The following TSG101 variants were observed in gnomAD, a reference collection of about 807,000 sequenced individuals.
TSG101 encodes the protein tumor susceptibility 101, also known as tumor susceptibility gene 101 protein.
Under a neutral mutation model 48.5 loss-of-function variants are expected in TSG101, and 19 were observed. The ratio of observed to expected loss-of-function variants is 0.39; its 90% CI spans 0.27 to 0.58. The LOEUF is 0.58. Ranked by LOEUF, TSG101 falls within the 20% of genes least tolerant of loss-of-function variation. TSG101 has a pLI of 0.55. For missense variants in TSG101, 365 were observed against 484.4 expected (o/e 0.75, Z 2.31); for synonymous variants, 174 against 169.4 (o/e 1.03, Z -0.21).
chr11:18,510,772 A>T (rs1057132554), intron 4 of TSG101, among the ~76,000 whole-genome samples: 1 of 152,064 alleles, frequency 6.6e-6, no homozygotes, highest in South Asian at 2.1e-4. Context: ...CTACAAAAAA[A>T]TTAACTGTAC....
intron 5 of TSG101, among the ~76,000 whole-genome samples, chr11:18,508,148 T>C (rs1850006235): frequency 6.6e-6 from 1 of 151,926 alleles, no homozygotes; most frequent in East Asian, 1.9e-4. Context: ...AAGGTTACCT[T>C]TGTCATAGCG....
Position 18,484,935 on chromosome 11 carries a change from C to CTTTT in TSG101, c.641-867_641-864dup, listed in dbSNP as rs529154247. On this transcript the variant is annotated intron_variant, in intron 7 of 9. Transcript: ENST00000251968. ...AAGTATATTTAACCTTAATTGCCGC[C>CTTTT]TTTTTTTTTTTTTTTTTTTTTGAGA... Among the ~76,000 whole-genome samples, 173 of 108,006 alleles carry CTTTT rather than the reference C, an allele frequency of 1.6e-3. 5 individuals carry two copies. The highest frequency in any genetic ancestry group is 2.9e-3 in the African/African-American group (78 of 26,694). 70.9% of individuals were successfully genotyped at this position (108,006 alleles called of 152,430 possible). A position where few individuals can be genotyped will look rare whatever the true frequency, so the allele number is the denominator to read the frequency against.
chr11:18,486,571 C>A (rs1008746426), intron 7 of TSG101, among the ~76,000 whole-genome samples: 1 of 151,978 alleles, frequency 6.6e-6, no homozygotes, highest in Non-Finnish European at 1.5e-5. Context: ...CAATGAGATA[C>A]CATCTCACAC....
rs750906139 is a variant in TSG101 at position 18,484,029 on chromosome 11, G to A, written c.684C>T (p.Ala228=). 1.9e-6 allele frequency: 3 copies of A among 1,614,194 alleles called. No individual in the cohort carries two copies. Among genetic ancestry groups the A allele is most frequent in the Non-Finnish European group, 2.5e-6 (3 of 1,180,034 alleles). ...TGTCACTGACCGCAGAGATGAGAGA[G>A]GCTCGGATGGTGTCCTCGCTGATTG... ...DGTISEDTIR[A]SLISAVSDKL... The change falls in exon 8 of 10, where the codon GCC becomes GCT. Residue 228 remains alanine, a synonymous_variant. Coordinates refer to ENST00000251968, the MANE Select transcript of TSG101 (RefSeq NM_006292.4).
intron 5 of TSG101, 59 bp downstream of exon 5, chr11:18,509,483 A>C (rs1451767683): frequency 8.5e-6 from 13 of 1,533,088 alleles, no homozygotes; most frequent in Non-Finnish European, 1.1e-5. Context: ...TTTTTTTACA[A>C]AGGTTTCTGT....
chr11:18,519,724 TA>T (rs1850237748), intron 1 of TSG101, 121 bp from the exon 2 acceptor site: 2 of 673,034 alleles, frequency 3.0e-6, no homozygotes, highest in Non-Finnish European at 5.0e-6. Context: ...TGAAAGAACC[TA>T]AAAAACCCAT....
chr11:18,481,884 G>A lies in TSG101; in HGVS notation c.844-15C>T. On this transcript the variant is annotated splice_polypyrimidine_tract_variant and intron_variant, in intron 8 of 9. Coordinates refer to ENST00000251968, the MANE Select transcript of TSG101 (RefSeq NM_006292.4). ...TCAACCTCGGCCTGAAAACAGAACA[G>A]TCCAAGCATTAATAACTGTACATAA... 1 of 1,610,862 alleles carries A rather than the reference G, an allele frequency of 6.2e-7. No homozygotes were observed. Among genetic ancestry groups the A allele is most frequent in the African/African-American group, 1.3e-5 (1 of 74,860 alleles).
chr11:18,522,357 A>C (rs994254900), intron 1 of TSG101, among the ~76,000 whole-genome samples: 2 of 152,360 alleles, frequency 1.3e-5, no homozygotes, highest in Admixed American at 1.3e-4. Context: ...AGTGTCTTCC[A>C]TATGTGTATA....
intron 7 of TSG101, among the ~76,000 whole-genome samples, chr11:18,491,431 G>A (rs537407025): frequency 6.6e-5 from 10 of 152,320 alleles, no homozygotes; most frequent in Non-Finnish European, 1.0e-4. Context: ...CAAGGCTCAG[G>A]TGAGCTACCT....
chr11:18,497,471 A>T (rs1260044751), intron 7 of TSG101, among the ~76,000 whole-genome samples: 1 of 152,236 alleles, frequency 6.6e-6, no homozygotes, highest in African/African-American at 2.4e-5. Flanking sequence ...TTCAAAAATC[A>T]TAAACATGAG....
rs1849545926 is a variant in TSG101 at position 18,481,833 on chromosome 11, T to C, written c.880A>G (p.Lys294Glu). ...AGAGCAGAACTGAGTTCTTCATCCT[T>C]CTTTTTCAAAAGTTCTATGTTTTTA... is the stretch of plus-strand genomic sequence containing the variant. ...VDKNIELLKK[K>E]DEELSSALEK... Residue 294 changes from lysine (K) to glutamate (E), a missense_variant, in exon 9 of 10, where the codon AAG (lysine) becomes GAG (glutamate). Coordinates refer to ENST00000251968, the MANE Select transcript of TSG101 (RefSeq NM_006292.4). The C allele has an allele frequency of 1.2e-6, 2 of 1,613,896 alleles. No individual in the cohort carries two copies. The highest frequency in any genetic ancestry group is 1.7e-6 in the Non-Finnish European group (2 of 1,180,002).
chr11:18,497,863 T>C (rs910515455), intron 7 of TSG101, among the ~76,000 whole-genome samples: 1 of 152,232 alleles, frequency 6.6e-6, no homozygotes, highest in Non-Finnish European at 1.5e-5. Context: ...GGAACCTGAA[T>C]AGTGTGTATC....
intron 5 of TSG101, 48 bp downstream of exon 5, chr11:18,509,494 T>C: frequency 6.4e-7 from 1 of 1,573,796 alleles, no homozygotes; most frequent in Non-Finnish European, 8.6e-7. Context: ...AGGTTTCTGT[T>C]CTCTTTTGTT....
At chr11:18,509,405 T>C in intron 5 of TSG101, 137 bp downstream of exon 5, 1 of 1,225,050 alleles carries the variant, frequency 8.2e-7, no homozygotes, top group Non-Finnish European at 1.1e-6. Flanking sequence ...ATGTGGGGCC[T>C]CAGAATACTT....
intron 7 of TSG101, among the ~76,000 whole-genome samples, chr11:18,498,687 T>A (rs1447085424): frequency 7.2e-5 from 11 of 152,082 alleles, no homozygotes; most frequent in Admixed American, 7.2e-4. Flanking sequence ...GAGGTATAGG[T>A]CAGAGACATA....
intron 9 of TSG101, among the ~76,000 whole-genome samples, chr11:18,480,862 C>T (rs1347402700): frequency 6.6e-6 from 1 of 152,182 alleles, no homozygotes; most frequent in Non-Finnish European, 1.5e-5. Flanking sequence ...TTGACCTACA[C>T]TTTCTTTTCC....
intron 4 of TSG101, among the ~76,000 whole-genome samples, chr11:18,510,862 C>T (rs775663302): frequency 2.0e-5 from 3 of 151,914 alleles, no homozygotes; most frequent in Non-Finnish European, 4.4e-5. Context: ...GTTGAGGCTG[C>T]AGTATGACTG....
chr11:18,497,175 G>T (rs545714707), intron 7 of TSG101, among the ~76,000 whole-genome samples: 1 of 152,128 alleles, frequency 6.6e-6, no homozygotes, highest in South Asian at 2.1e-4. Context: ...AGCCCAAATC[G>T]TGACCATTGA....
intron 7 of TSG101, among the ~76,000 whole-genome samples, chr11:18,490,004 C>A (rs1250912447): frequency 5.3e-5 from 8 of 152,152 alleles, no homozygotes; most frequent in Non-Finnish European, 1.5e-5. Context: ...ATTAAACACA[C>A]AGTAATCCTG....
Sources: allele counts gnomAD v4.1 joint callset (sites outside exome capture counted in the v4.1 genomes callset), GRCh38; gene constraint gnomAD v4.1.1; transcripts MANE v1.5; gene names NCBI Gene and HGNC (gene_info 2026-07-23, HGNC 2026-07-21).